Variants in IGFBP4 observed in about 807,000 individuals in gnomAD.
IGFBP4 encodes the protein insulin like growth factor binding protein 4.
IGFBP4 carries 9 observed loss-of-function variants against 25.8 expected under a neutral mutation model. The ratio of observed to expected loss-of-function variants is 0.35; its 90% CI spans 0.21 to 0.61. The LOEUF is 0.61. IGFBP4 is among the 20% of genes least tolerant of loss of function. The pLI is 0.77. For missense variants in IGFBP4, 315 were observed against 365.3 expected, an observed-to-expected ratio of 0.86 and a Z score of 1.12; for synonymous variants, 153 against 153.9, an observed-to-expected ratio of 0.99 and a Z score of 0.05.
chr17:40,453,976 G>T lies in IGFBP4; in HGVS notation c.556G>T (p.Ala186Ser). Residue 186 changes from alanine to serine, a missense_variant, in exon 3 of 4, where the codon GCC (alanine) becomes TCC (serine). Coordinates refer to ENST00000269593, the MANE Select transcript of IGFBP4 (RefSeq NM_001552.3). This position sits in a 1 kb window ranked among gnomAD's most constrained non-coding sequence, Gnocchi z 4.0. ...SELHRALERL[A>S]ASQSRTHEDL... ...GCTGCACCGGGCGCTGGAGCGGCTG[G>T]CCGCTTCACAGAGCCGCACCCACGA... The T allele has an allele frequency of 6.2e-7, 1 of 1,612,726 alleles. No homozygotes were observed.
chr17:40,447,285 A>T (rs766993203), intron 1 of IGFBP4, among the ~76,000 whole-genome samples: 1 of 152,200 alleles, frequency 6.6e-6, no homozygotes, highest in Non-Finnish European at 1.5e-5. Context: ...AACACCACTG[A>T]GGCCACCAGA....
chr17:40,453,215 C>A lies in IGFBP4; in HGVS notation c.507+73C>A. The A allele has an allele frequency of 2.7e-6, 3 of 1,102,850 alleles. No individual in the cohort carries two copies. The highest frequency in any genetic ancestry group is 3.7e-6 in the Non-Finnish European group (3 of 813,758). The allele number at this position is 1,102,850 out of a possible 1,614,324, so 68.3% of individuals were successfully genotyped here. A position where few individuals can be genotyped will look rare whatever the true frequency, so the allele number is the denominator to read the frequency against. On this transcript the variant is annotated intron_variant, in intron 2 of 3. Coordinates refer to ENST00000269593, the MANE Select transcript of IGFBP4 (RefSeq NM_001552.3). The surrounding 1 kb of genome is among the most constrained non-coding windows in gnomAD (Gnocchi z 4.0). ...ACACATGCCCCCTGCCCCCCACATG[C>A]ACGCACCCACACACACCATCACCAC...
At chr17:40,455,504 C>G (rs866610734) in intron 3 of IGFBP4, among the ~76,000 whole-genome samples, 19 of 150,750 alleles carry the variant, frequency 1.3e-4, no homozygotes, top group Non-Finnish European at 1.9e-4. Context: ...TTTTTTGAGA[C>G]AGAGTTTGTC....
At chr17:40,446,721 C>T (rs765198261) in intron 1 of IGFBP4, among the ~76,000 whole-genome samples, 1 of 152,202 alleles carries the variant, frequency 6.6e-6, no homozygotes, top group Non-Finnish European at 1.5e-5. Flanking sequence ...ATGCCCCTCC[C>T]CCTTTCCTCC....
intron 1 of IGFBP4, among the ~76,000 whole-genome samples, chr17:40,451,452 A>C: frequency 1.4e-5 from 2 of 147,980 alleles, no homozygotes; most frequent in African/African-American, 4.9e-5. Context: ...CACCCCCCAA[A>C]CCAGGAGAAT....
Position 40,453,245 on chromosome 17 carries a change from T to C in IGFBP4, c.507+103T>C. 2 of 877,128 alleles carry C rather than the reference T, an allele frequency of 2.3e-6. No homozygotes were observed. Among genetic ancestry groups the C allele is most frequent in the Non-Finnish European group, 3.2e-6 (2 of 624,950 alleles). The allele number at this position is 877,128 out of a possible 1,614,324, so 54.3% of individuals were successfully genotyped here. ...ACCCACACACACCATCACCACCAGA[T>C]CTGGGGCGTGTTCATTCAGCACACA... is the stretch of plus-strand genomic sequence containing the variant. On this transcript the variant is annotated intron_variant, in intron 2 of 3. Transcript: ENST00000269593. The surrounding 1 kb of genome is among the most constrained non-coding windows in gnomAD (Gnocchi z 4.0).
In IGFBP4 at chr17:40,444,883, A is replaced by AG. The variant is rs199622608; in HGVS notation, c.349+799_349+800insG. 3.0e-3 allele frequency among the ~76,000 whole-genome samples: 313 copies of AG among 105,398 alleles called. 1 individual carries two copies. Among genetic ancestry groups the AG allele is most frequent in the African/African-American group, 6.9e-3 (179 of 25,954 alleles). The allele number at this position is 105,398 out of a possible 152,430, so 69.1% of individuals were successfully genotyped here. ...CAGAGAGAGAGAGAGAGAGAGAGAG[A>AG]AACACACACACACACACACACACAC... On this transcript the variant is annotated intron_variant, in intron 1 of 3. Transcript: ENST00000269593.
chr17:40,453,754 C>T lies in IGFBP4; in HGVS notation c.508-174C>T, dbSNP rs2035699202. Among the ~76,000 whole-genome samples the T allele has an allele frequency of 6.6e-6, 1 of 152,190 alleles. No individual in the cohort carries two copies. The highest frequency in any genetic ancestry group is 1.5e-5 in the Non-Finnish European group (1 of 68,024). ...AGACCCTTTCCTCCACGTCTCTACC[C>T]TCCCAGTGTGTCCTCCAGACCCAGG... On this transcript the variant is annotated intron_variant, in intron 2 of 3. Transcript: ENST00000269593. This position sits in a 1 kb window ranked among gnomAD's most constrained non-coding sequence, Gnocchi z 4.0.
chr17:40,447,189 C>T (rs2035652782), intron 1 of IGFBP4, among the ~76,000 whole-genome samples: 1 of 152,230 alleles, frequency 6.6e-6, no homozygotes, highest in African/African-American at 2.4e-5. Flanking sequence ...CTGTTTGCCC[C>T]AGGGGCAGAT....
chr17:40,448,620 T>C (rs562088816), intron 1 of IGFBP4, among the ~76,000 whole-genome samples: 1 of 152,272 alleles, frequency 6.6e-6, no homozygotes, highest in East Asian at 1.9e-4. Flanking sequence ...AGCAGGGAAA[T>C]AGCAAGTATT....
At chr17:40,446,722 C>T (rs1387193886) in intron 1 of IGFBP4, among the ~76,000 whole-genome samples, 1 of 152,208 alleles carries the variant, frequency 6.6e-6, no homozygotes, top group African/African-American at 2.4e-5. Flanking sequence ...TGCCCCTCCC[C>T]CTTTCCTCCT....
intron 1 of IGFBP4, among the ~76,000 whole-genome samples, chr17:40,451,384 G>A (rs185248718): frequency 5.9e-5 from 9 of 152,240 alleles, no homozygotes; most frequent in Non-Finnish European, 1.0e-4. Flanking sequence ...TATTGATAAA[G>A]ACTTTCTGGT....
chr17:40,454,482 G>A (rs1277559064), intron 3 of IGFBP4, among the ~76,000 whole-genome samples: 1 of 152,154 alleles, frequency 6.6e-6, no homozygotes, highest in African/African-American at 2.4e-5. Flanking sequence ...GGAATGGAGG[G>A]CCAAAGTCAT....
In IGFBP4 at chr17:40,443,778, G is replaced by C. The variant is rs770686861; in HGVS notation, c.43G>C (p.Gly15Arg). The change falls in exon 1 of 4, where the codon GGG becomes CGG. Residue 15 changes from glycine to arginine, a missense_variant. Coordinates refer to ENST00000269593, the MANE Select transcript of IGFBP4 (RefSeq NM_001552.3). ...CGTGGCCGCCCTGCTGCTGGCCGCC[G>C]GGCCCGGGCCGAGCCTGGGCGACGA... The part of the protein sequence containing the change: ...CLVAALLLAA[G>R]PGPSLGDEAI... 10 of 1,507,002 alleles carry C rather than the reference G, an allele frequency of 6.6e-6. No homozygotes were observed. Among genetic ancestry groups the C allele is most frequent in the South Asian group, 1.2e-5 (1 of 81,412 alleles). 93.4% of individuals were successfully genotyped at this position (1,507,002 alleles called of 1,614,324 possible).
chr17:40,448,104 G>A (rs987216922), intron 1 of IGFBP4, among the ~76,000 whole-genome samples: 1 of 152,246 alleles, frequency 6.6e-6, no homozygotes, highest in Non-Finnish European at 1.5e-5. Context: ...TAGAGTCTAG[G>A]GGAAGAGGGA....
chr17:40,449,046 G>T (rs143075436), intron 1 of IGFBP4, among the ~76,000 whole-genome samples: 2 of 152,310 alleles, frequency 1.3e-5, no homozygotes, highest in East Asian at 3.9e-4. Flanking sequence ...CCTATCTGGT[G>T]GGTGCTACTC....
At chr17:40,451,908 C>T (rs1597675659) in intron 1 of IGFBP4, among the ~76,000 whole-genome samples, 2 of 152,168 alleles carry the variant, frequency 1.3e-5, no homozygotes, top group African/African-American at 4.8e-5. Flanking sequence ...GTGATCATAG[C>T]TCACTGTTAA....
rs756211064 is a variant in IGFBP4 at position 40,444,884 on chromosome 17, AACACACACAC to A, written c.349+834_349+843del. ...AGAGAGAGAGAGAGAGAGAGAGAGA[AACACACACAC>A]ACACACACACACACACACACACACA... On this transcript the variant is annotated intron_variant, in intron 1 of 3. Transcript: ENST00000269593. Among the ~76,000 whole-genome samples, 155 of 80,328 alleles carry A rather than the reference AACACACACAC, an allele frequency of 1.9e-3. 3 individuals carry two copies. Among genetic ancestry groups the A allele is most frequent in the African/African-American group, 5.2e-3 (93 of 17,946 alleles). The allele number at this position is 80,328 out of a possible 152,430, so 52.7% of individuals were successfully genotyped here.
intron 1 of IGFBP4, among the ~76,000 whole-genome samples, chr17:40,449,594 A>G (rs745733203): frequency 3.3e-5 from 5 of 152,076 alleles, no homozygotes; most frequent in Non-Finnish European, 7.4e-5. Context: ...TAAAAATACA[A>G]AAAAATTAGC....
Sources: allele counts gnomAD v4.1 joint callset (sites outside exome capture counted in the v4.1 genomes callset), GRCh38; gene constraint gnomAD v4.1.1; non-coding constraint Gnocchi (gnomAD v3.1); transcripts MANE v1.5; gene names NCBI Gene and HGNC (gene_info 2026-07-23, HGNC 2026-07-21).